The following TIMM23B variants were observed in gnomAD, a reference collection of about 807,000 sequenced individuals.
TIMM23B encodes the protein mitochondrial import inner membrane translocase subunit Tim23B.
In TIMM23B, 27 loss-of-function variants were observed where a neutral mutation model predicts 27.3. The observed-to-expected ratio is 0.99, with a 90% CI of 0.73 to 1.36. The LOEUF is 1.36. TIMM23B is among the 40% of genes most tolerant of loss of function. The pLI is 0.00. For missense variants in TIMM23B, 205 were observed against 244.2 expected (o/e 0.84, Z 1.07); for synonymous variants, 73 against 92.4 (o/e 0.79, Z 1.21).
At chr10:49,962,789 T>G (rs1839966408) in intron 6 of TIMM23B, among the ~76,000 whole-genome samples, 2 of 152,130 alleles carry the variant, frequency 1.3e-5, no homozygotes, top group Non-Finnish European at 2.9e-5. Context: ...TGCTAAAAAT[T>G]AAGTTATTTG....
intron 2 of TIMM23B, among the ~76,000 whole-genome samples, chr10:49,951,681 CAA>C (rs1223396757): frequency 6.6e-6 from 1 of 152,016 alleles, no homozygotes; most frequent in Non-Finnish European, 1.5e-5. Flanking sequence ...ATAATTGATC[CAA>C]ACTGTTGTAC....
At chr10:49,944,136 A>G (rs1191032044) in intron 1 of TIMM23B, among the ~76,000 whole-genome samples, 5 of 152,206 alleles carry the variant, frequency 3.3e-5, no homozygotes, top group African/African-American at 1.2e-4. Context: ...AATGACAGCT[A>G]ATGTAGGATT....
At chr10:49,942,560 T>G (rs1163317878) in intron 1 of TIMM23B, among the ~76,000 whole-genome samples, 1 of 152,178 alleles carries the variant, frequency 6.6e-6, no homozygotes, top group East Asian at 1.9e-4. Flanking sequence ...TAGGTTTATA[T>G]CCAAGCCTCG....
intron 6 of TIMM23B, 79 bp downstream of exon 6, chr10:49,958,559 T>C: frequency 8.1e-7 from 1 of 1,231,804 alleles, no homozygotes; most frequent in African/African-American, 1.5e-5. Context: ...TCAAGGAAAT[T>C]ACACTCTGTT....
chr10:49,954,461 T>A, intron 4 of TIMM23B: 1 of 194,372 alleles, frequency 5.1e-6, no homozygotes, highest in Non-Finnish European at 1.1e-5. Context: ...TTCCTTCTCT[T>A]TAATTCTACT....
At chr10:49,955,455 A>G (rs1752628091) in intron 5 of TIMM23B, among the ~76,000 whole-genome samples, 2 of 152,208 alleles carry the variant, frequency 1.3e-5, no homozygotes, top group Non-Finnish European at 2.9e-5. Context: ...ATGTTTTCTT[A>G]ATAGCGTGTT....
rs1839566850 is a variant in TIMM23B, at chr10:49,952,520, C to T, written c.331C>T (p.Pro111Ser). The T allele has an allele frequency of 1.2e-6, 2 of 1,612,692 alleles. No homozygotes were observed. The highest frequency in any genetic ancestry group is 1.7e-6 in the Non-Finnish European group (2 of 1,179,320). ...KETQNMAWSK[P>S]GNVQILNMVT... ...AACCCAGAACATGGCCTGGTCCAAA[C>T]CAGGAAATGTACAGTAAGTCTCTTG... is the stretch of plus-strand genomic sequence containing the variant. The change falls in exon 4 of 7, where the codon CCA becomes TCA. Residue 111 changes from proline (P) to serine (S), a missense_variant. Pro to Ser is a moderately conservative substitution (Grantham distance 74). Transcript: ENST00000651259.
chr10:49,965,530 TGAAATGAAATGAAATGA>T (rs1160503646), intron 6 of TIMM23B, among the ~76,000 whole-genome samples: 1 of 139,036 alleles, frequency 7.2e-6, no homozygotes, highest in Admixed American at 7.5e-5. Context: ...ATGAAACAAA[TGAAATGAAATGAAATGA>T]GAAATGAAAT....
intron 5 of TIMM23B, among the ~76,000 whole-genome samples, chr10:49,958,029 A>G (rs1316129551): frequency 1.3e-5 from 2 of 152,162 alleles, no homozygotes; most frequent in Non-Finnish European, 2.9e-5. Context: ...CAAGACAGGA[A>G]GGTGTGGGGA....
intron 3 of TIMM23B, 99 bp downstream of exon 3, chr10:49,952,318 T>C (rs1242794229): frequency 2.0e-6 from 3 of 1,469,664 alleles, no homozygotes; most frequent in Admixed American, 4.5e-5. Context: ...GGGTTTTTTT[T>C]TTTAATATTT....
At chr10:49,969,436 CA>C (rs533041097) in intron 6 of TIMM23B, among the ~76,000 whole-genome samples, 27,901 of 74,826 alleles carry the variant, frequency 0.37, 2,429 homozygotes, top group Middle Eastern at 0.41. Context: ...GACCCTGTGT[CA>C]AAAAAAAAAA....
At chr10:49,951,941 C>T (rs1190887967) in intron 2 of TIMM23B, among the ~76,000 whole-genome samples, 185 bp from the exon 3 acceptor site, 65 of 152,266 alleles carry the variant, frequency 4.3e-4, no homozygotes, top group African/African-American at 8.9e-4. Flanking sequence ...AACTGTGTTT[C>T]GTATTTCATT....
At chr10:49,951,232 G>T (rs1318857152) in intron 2 of TIMM23B, among the ~76,000 whole-genome samples, 1 of 152,128 alleles carries the variant, frequency 6.6e-6, no homozygotes, top group African/African-American at 2.4e-5. Context: ...CTGAATCAAC[G>T]TTCAGTATTT....
At chr10:49,956,108 T>C (rs1416359731) in intron 5 of TIMM23B, among the ~76,000 whole-genome samples, 5 of 149,044 alleles carry the variant, frequency 3.4e-5, no homozygotes, top group Admixed American at 6.8e-5. Context: ...CATTGTGGTA[T>C]GATCAAGAAG....
Position 49,973,789 on chromosome 10 carries a change from G to A in TIMM23B, c.*725G>A, listed in dbSNP as rs1316219029. On this transcript the variant is annotated 3_prime_UTR_variant, in exon 7 of 7. Coordinates refer to ENST00000651259, the MANE Select transcript of TIMM23B (RefSeq NM_001290117.2). ...ATGTGTTGATGATTATACCTTCTCA[G>A]AATGAAGGTAATTTTTTTTTTTTCT... 6.6e-6 allele frequency: 1 copy of A among 151,632 alleles called. No homozygotes were observed. Among genetic ancestry groups the A allele is most frequent in the Non-Finnish European group, 1.5e-5 (1 of 68,094 alleles). 9.4% of individuals were successfully genotyped at this position (151,632 alleles called of 1,614,324 possible). A position where few individuals can be genotyped will look rare whatever the true frequency, so the allele number is the denominator to read the frequency against.
At chr10:49,971,508 C>T (rs1840447673) in intron 6 of TIMM23B, among the ~76,000 whole-genome samples, 1 of 152,104 alleles carries the variant, frequency 6.6e-6, no homozygotes, top group African/African-American at 2.4e-5. Context: ...ATATACATGA[C>T]TACATGCTTC....
In TIMM23B at chr10:49,974,469, CTGT is replaced by C. The variant is rs1454438718; in HGVS notation, c.*1410_*1412del. 2.7e-5 allele frequency: 4 copies of C among 149,738 alleles called. No homozygotes were observed. Among genetic ancestry groups the C allele is most frequent in the African/African-American group, 9.9e-5 (4 of 40,418 alleles). The allele number at this position is 149,738 out of a possible 1,614,324, so 9.3% of individuals were successfully genotyped here. On this transcript the variant is annotated 3_prime_UTR_variant, in exon 7 of 7. Coordinates refer to ENST00000651259, the MANE Select transcript of TIMM23B (RefSeq NM_001290117.2). ...GGGTAAATGCAGCCCTCACAGCAGC[CTGT>C]TGTTCGTCCTGCAAATGTGTTTCCA...
intron 6 of TIMM23B, among the ~76,000 whole-genome samples, chr10:49,963,914 G>A (rs1187619108): frequency 6.6e-6 from 1 of 152,024 alleles, no homozygotes; most frequent in African/African-American, 2.4e-5. Context: ...GCAGTGAGCA[G>A]GGATCGCGCC....
At chr10:49,953,595 C>T (rs1839612777) in intron 4 of TIMM23B, among the ~76,000 whole-genome samples, 1 of 152,190 alleles carries the variant, frequency 6.6e-6, no homozygotes, top group African/African-American at 2.4e-5. Flanking sequence ...ATCCTCTTGC[C>T]TCAGCCTTCC....
Sources: allele counts gnomAD v4.1 joint callset (sites outside exome capture counted in the v4.1 genomes callset), GRCh38; gene constraint gnomAD v4.1.1; transcripts MANE v1.5; gene names NCBI Gene and HGNC (gene_info 2026-07-23, HGNC 2026-07-21).